Variants in FABP12 observed in about 807,000 individuals in gnomAD.
FABP12 encodes the protein fatty acid-binding protein 12.
Under a neutral mutation model 13.7 loss-of-function variants are expected in FABP12, and 19 were observed. The observed-to-expected ratio is 1.39, with a 90% CI of 0.97 to 2.04. The LOEUF (loss-of-function observed/expected upper bound fraction) is 2.04, where lower values mean the gene tolerates loss of function less well. Among genes scored for constraint, FABP12 ranks in the 30% most tolerant of loss-of-function variants. The probability of loss-of-function intolerance (pLI) is 0.00; values close to 1 mark genes in which losing one functional copy is unlikely to be tolerated. For missense variants in FABP12, 182 were observed against 164.2 expected, an observed-to-expected ratio of 1.11 and a Z score of -0.59; for synonymous variants, 61 against 57.0, an observed-to-expected ratio of 1.07 and a Z score of -0.32.
chr8:81,589,493 G>C (rs74661361), intron 1 of FABP12, among the ~76,000 whole-genome samples: 15,443 of 152,074 alleles, frequency 0.1, 992 homozygotes, highest in Middle Eastern at 0.16. Flanking sequence ...ATCACAAACA[G>C]CGCTGACCTC....
intron 1 of FABP12, among the ~76,000 whole-genome samples, chr8:81,548,778 G>C (rs1809478077): frequency 6.6e-6 from 1 of 152,112 alleles, no homozygotes; most frequent in Non-Finnish European, 1.5e-5. Flanking sequence ...GCTAGAATGA[G>C]TATAGCATGT....
At chr8:81,530,819 A>G (rs1181593573) in intron 2 of FABP12, among the ~76,000 whole-genome samples, 1 of 152,174 alleles carries the variant, frequency 6.6e-6, no homozygotes, top group Non-Finnish European at 1.5e-5. Flanking sequence ...AAGAGAGAGC[A>G]GTGTGAAAAT....
chr8:81,587,117 A>G (rs1469773982), intron 1 of FABP12, among the ~76,000 whole-genome samples: 1 of 151,806 alleles, frequency 6.6e-6, no homozygotes, highest in Non-Finnish European at 1.5e-5. Flanking sequence ...GTGCACCTTT[A>G]TTTCTTGGTT....
At chr8:81,530,495 T>A (rs1809039421) in intron 2 of FABP12, among the ~76,000 whole-genome samples, 1 of 152,238 alleles carries the variant, frequency 6.6e-6, no homozygotes, top group Admixed American at 6.5e-5. Flanking sequence ...GAAATAGCAT[T>A]ACATATACTG....
At chr8:81,566,885 A>G (rs1023185891) in intron 1 of FABP12, among the ~76,000 whole-genome samples, 1 of 152,188 alleles carries the variant, frequency 6.6e-6, no homozygotes, top group African/African-American at 2.4e-5. Flanking sequence ...TTTGCAGATG[A>G]TATAATCTTA....
At chr8:81,588,472 A>G (rs1810275434) in intron 1 of FABP12, among the ~76,000 whole-genome samples, 1 of 152,204 alleles carries the variant, frequency 6.6e-6, no homozygotes, top group Admixed American at 6.5e-5. Context: ...TGGTATGTAT[A>G]AATGCTACTG....
At chr8:81,572,370 G>C (rs959853507) in intron 1 of FABP12, among the ~76,000 whole-genome samples, 2 of 152,082 alleles carry the variant, frequency 1.3e-5, no homozygotes, top group African/African-American at 4.8e-5. Flanking sequence ...TGGGCATTTG[G>C]GTTTGTTCAC....
chr8:81,584,773 A>C (rs186347347), intron 1 of FABP12, among the ~76,000 whole-genome samples: 2 of 152,326 alleles, frequency 1.3e-5, no homozygotes, highest in East Asian at 3.9e-4. Context: ...CACAGTGTAC[A>C]AGGGTTCCTC....
Position 81,528,686 on chromosome 8 carries a change from G to C in FABP12, c.246+752C>G, listed in dbSNP as rs1461803781. Among the ~76,000 whole-genome samples, 11 of 152,094 alleles carry C rather than the reference G, an allele frequency of 7.2e-5. No homozygotes were observed. In the South Asian group the frequency reaches 1.9e-3, roughly 26 times the overall value. On this transcript the variant is annotated intron_variant, in intron 3 of 4. Transcript: ENST00000360464. ...GGATGAGCTCTTACATTCTGGTGTA[G>C]GGAAAAAGACTGTAAACAATACGTG...
intron 1 of FABP12, among the ~76,000 whole-genome samples, chr8:81,589,815 G>C (rs1381436716): frequency 6.6e-6 from 1 of 152,150 alleles, no homozygotes; most frequent in African/African-American, 2.4e-5. Flanking sequence ...GCTCTGAGTG[G>C]TCTCTCTCTA....
chr8:81,578,626 C>T (rs1371755553), intron 1 of FABP12, among the ~76,000 whole-genome samples: 1 of 151,366 alleles, frequency 6.6e-6, no homozygotes, highest in Non-Finnish European at 1.5e-5. Context: ...GCTGGGACTA[C>T]AGGCACACGC....
chr8:81,572,056 C>T (rs553422979), intron 1 of FABP12, among the ~76,000 whole-genome samples: 1 of 152,012 alleles, frequency 6.6e-6, no homozygotes, highest in South Asian at 2.1e-4. Flanking sequence ...GCACCCATCC[C>T]CCGAGCAGTA....
intron 1 of FABP12, among the ~76,000 whole-genome samples, chr8:81,580,707 C>T (rs1810143408): frequency 6.6e-6 from 1 of 152,102 alleles, no homozygotes; most frequent in Admixed American, 6.5e-5. Flanking sequence ...CCCCCAAAGG[C>T]AAAGTTCTGT....
rs541915361 is a variant in FABP12 at position 81,552,110 on chromosome 8, C to A, written c.-184-12367G>T. Among the ~76,000 whole-genome samples the A allele has an allele frequency of 3.3e-5, 5 of 152,242 alleles. No individual in the cohort carries two copies. In the South Asian group the frequency reaches 1.0e-3, roughly 32 times the overall value. ...TGTGGGGTACGAGGGAAACTCAACA[C>A]AGGAGCAGCTCACCAATCTATGGGG... is the stretch of plus-strand genomic sequence containing the variant. On this transcript the variant is annotated intron_variant, in intron 1 of 5. Transcript: ENST00000692030.
intron 1 of FABP12, among the ~76,000 whole-genome samples, chr8:81,561,448 T>C (rs1809722414): frequency 6.6e-6 from 1 of 152,196 alleles, no homozygotes; most frequent in African/African-American, 2.4e-5. Context: ...CCTTCACCCA[T>C]TGTTCTCCCT....
At chr8:81,542,245 G>A (rs1809362398) in intron 1 of FABP12, among the ~76,000 whole-genome samples, 1 of 152,132 alleles carries the variant, frequency 6.6e-6, no homozygotes, top group Admixed American at 6.5e-5. Context: ...AACATCAGGA[G>A]AACTTACTCT....
intron 2 of FABP12, among the ~76,000 whole-genome samples, chr8:81,530,780 G>A (rs1207923809): frequency 6.6e-6 from 1 of 152,090 alleles, no homozygotes; most frequent in Non-Finnish European, 1.5e-5. Flanking sequence ...CTTTTAAGAG[G>A]GAGGAAGAGG....
upstream of FABP12, among the ~76,000 whole-genome samples, chr8:81,538,894 G>C (rs1353906720): frequency 2.6e-5 from 4 of 151,894 alleles, no homozygotes; most frequent in Non-Finnish European, 5.9e-5. Flanking sequence ...CTGTCACCCA[G>C]GCAGGAGTGC....
rs1160523775 is a variant in FABP12, at chr8:81,538,983, G to A, written c.-59+635C>T. ...CATATCTCAACCTCCCAAGTAGCTGGGATTACGGGCGTGCACCACCACACC... is the reference window on the plus strand; with the variant it reads ...CATATCTCAACCTCCCAAGTAGCTGAGATTACGGGCGTGCACCACCACACC... On this transcript the variant is annotated intron_variant, in intron 2 of 5. Coordinates refer to the FABP12 transcript ENST00000692030. Among the ~76,000 whole-genome samples the A allele has an allele frequency of 3.9e-5, 6 of 151,926 alleles. No homozygotes were observed. The South Asian group carries it at 1.2e-3, about 32-fold the overall frequency.
Sources: gnomAD v4.1 joint callset for allele counts (sites outside exome capture counted in the v4.1 genomes callset) on GRCh38, gnomAD v4.1.1 for gene constraint, MANE v1.5 for transcripts, NCBI Gene and HGNC (gene_info 2026-07-23, HGNC 2026-07-21) for gene names.